The following DTNB variants were observed in gnomAD, a reference collection of about 807,000 sequenced individuals.
The protein encoded by DTNB is DTN-B.
Under a neutral mutation model 90.7 loss-of-function variants are expected in DTNB, and 63 were observed. The ratio of observed to expected loss-of-function variants is 0.69; its 90% CI spans 0.57 to 0.86. The LOEUF (loss-of-function observed/expected upper bound fraction) is 0.86. Among genes scored for constraint, DTNB ranks in the 40% least tolerant of loss-of-function variants. The probability of loss-of-function intolerance (pLI) is 0.00; values close to 1 mark genes in which losing one functional copy is unlikely to be tolerated. For missense variants in DTNB, 744 were observed against 807.1 expected (o/e 0.92, Z 0.95); for synonymous variants, 277 against 286.7 (o/e 0.97, Z 0.34).
intron 5 of DTNB, among the ~76,000 whole-genome samples, chr2:25,606,484 G>A (rs534552105): frequency 1.1e-4 from 16 of 152,174 alleles, no homozygotes; most frequent in African/African-American, 2.4e-4. Context: ...TTAACTCATC[G>A]ATAAAATGAA....
chr2:25,446,052 AG>A, intron 12 of DTNB, among the ~76,000 whole-genome samples: 1 of 151,866 alleles, frequency 6.6e-6, no homozygotes, highest in East Asian at 1.9e-4. Context: ...AATAAATACT[AG>A]CTATTAGTAT....
intron 10 of DTNB, among the ~76,000 whole-genome samples, chr2:25,463,340 T>C (rs2061301200): frequency 1.3e-5 from 2 of 152,186 alleles, no homozygotes. Flanking sequence ...GGCTCTTATT[T>C]TCTCATCACC....
chr2:25,663,784 G>A (rs904334463), intron 1 of DTNB, among the ~76,000 whole-genome samples: 18 of 152,080 alleles, frequency 1.2e-4, no homozygotes, highest in African/African-American at 4.1e-4. Flanking sequence ...TGTTCTACCA[G>A]TATCTCAACA....
chr2:25,638,182 G>A (rs1328978307), intron 3 of DTNB, among the ~76,000 whole-genome samples: 1 of 152,132 alleles, frequency 6.6e-6, no homozygotes, highest in Non-Finnish European at 1.5e-5. Flanking sequence ...ACACAGGAAG[G>A]GGAATATCAC....
At chr2:25,663,600 T>C (rs998451648) in intron 1 of DTNB, among the ~76,000 whole-genome samples, 2 of 152,246 alleles carry the variant, frequency 1.3e-5, no homozygotes, top group Non-Finnish European at 2.9e-5. Context: ...AGTCTTATCC[T>C]GAGTGTTTTA....
intron 12 of DTNB, among the ~76,000 whole-genome samples, chr2:25,435,937 G>C (rs1423623211): frequency 6.6e-6 from 1 of 152,190 alleles, no homozygotes; most frequent in East Asian, 1.9e-4. Flanking sequence ...AGTATGTTGA[G>C]CGTACTTTCA....
chr2:25,445,907 G>T (rs994197923), intron 12 of DTNB, among the ~76,000 whole-genome samples: 23 of 142,350 alleles, frequency 1.6e-4, no homozygotes, highest in Middle Eastern at 3.8e-3. Context: ...AGCACACCAT[G>T]TGACCCTGGG....
At chr2:25,401,725 T>A (rs1053676378) in intron 16 of DTNB, among the ~76,000 whole-genome samples, 1 of 152,246 alleles carries the variant, frequency 6.6e-6, no homozygotes, top group Non-Finnish European at 1.5e-5. Context: ...TAAGAGTTAA[T>A]GCCCTCTGCA....
At chr2:25,390,572 T>A (rs1427197269) in intron 16 of DTNB, among the ~76,000 whole-genome samples, 1 of 151,740 alleles carries the variant, frequency 6.6e-6, no homozygotes. Context: ...GCCTCCAAAG[T>A]AGATGGGATT....
chr2:25,465,558 G>A (rs1199006917), intron 10 of DTNB, among the ~76,000 whole-genome samples: 1 of 152,038 alleles, frequency 6.6e-6, no homozygotes, highest in Non-Finnish European at 1.5e-5. Context: ...CTCTCCAGCT[G>A]GTTTTCTACG....
chr2:25,397,668 T>C (rs934133849), intron 16 of DTNB, among the ~76,000 whole-genome samples: 2 of 151,208 alleles, frequency 1.3e-5, no homozygotes, highest in African/African-American at 4.9e-5. Context: ...TCACCTAAGG[T>C]GAGGAGTTTG....
rs576598711 is a variant in DTNB at position 25,459,673 on chromosome 2, T to C, written c.1080-4179A>G. Among the ~76,000 whole-genome samples the C allele has an allele frequency of 5.9e-5, 9 of 152,248 alleles. No homozygotes were observed. The South Asian group carries it at 1.7e-3, about 28-fold the overall frequency. ...CATGCCCAGCTAATTTTTGTATTTT[T>C]AGTAGAGACAGGGTTTTGCCATGGT... On this transcript the variant is annotated intron_variant, in intron 10 of 20. Coordinates refer to ENST00000406818, the MANE Select transcript of DTNB (RefSeq NM_021907.5).
intron 14 of DTNB, among the ~76,000 whole-genome samples, chr2:25,431,404 G>A (rs912975242): frequency 3.3e-5 from 5 of 152,176 alleles, no homozygotes; most frequent in African/African-American, 1.2e-4. Context: ...GTGTGAAGTA[G>A]AAGACCAGTA....
intron 2 of DTNB, among the ~76,000 whole-genome samples, chr2:25,641,032 T>C (rs1271558424): frequency 6.6e-6 from 1 of 152,108 alleles, no homozygotes; most frequent in East Asian, 1.9e-4. Context: ...TTTCGGAAAA[T>C]GATAAGCTCC....
intron 2 of DTNB, among the ~76,000 whole-genome samples, chr2:25,651,095 G>C (rs2080841904): frequency 6.6e-6 from 1 of 152,144 alleles, no homozygotes; most frequent in Admixed American, 6.5e-5. Flanking sequence ...GTTCAGAAAA[G>C]TACCAGTGAT....
chr2:25,649,435 C>A (rs1364642991), intron 2 of DTNB, among the ~76,000 whole-genome samples: 2 of 152,162 alleles, frequency 1.3e-5, no homozygotes, highest in African/African-American at 4.8e-5. Context: ...TAGTTACTGG[C>A]CAGGCACGGT....
intron 6 of DTNB, among the ~76,000 whole-genome samples, chr2:25,588,518 C>T (rs1559140371): frequency 6.6e-6 from 1 of 152,116 alleles, no homozygotes; most frequent in East Asian, 1.9e-4. Flanking sequence ...GGCGCACGCA[C>T]CACGCGCAGC....
At chr2:25,548,180 C>CT (rs1006481029) in intron 8 of DTNB, among the ~76,000 whole-genome samples, 44 of 152,054 alleles carry the variant, frequency 2.9e-4, no homozygotes, top group African/African-American at 9.7e-4. Context: ...ATCAGTACTT[C>CT]TTTCAGTTTC....
intron 3 of DTNB, among the ~76,000 whole-genome samples, chr2:25,635,726 T>C (rs1395059548): frequency 1.3e-5 from 2 of 152,210 alleles, no homozygotes; most frequent in Non-Finnish European, 1.5e-5. Flanking sequence ...TTGGTTTTAG[T>C]AGAAATTGGC....
Sources: allele counts gnomAD v4.1 joint callset (sites outside exome capture counted in the v4.1 genomes callset), GRCh38; gene constraint gnomAD v4.1.1; transcripts MANE v1.5; gene names NCBI Gene and HGNC (gene_info 2026-07-23, HGNC 2026-07-21).